NELL1: variants seen among roughly 807,000 people sequenced by gnomAD.
NELL1 encodes protein kinase C-binding protein NELL1.
Under a neutral mutation model 107.4 loss-of-function variants are expected in NELL1, and 76 were observed. That is an observed-to-expected ratio of 0.71 (90% CI 0.59 to 0.86). The LOEUF is 0.86. Ranked by LOEUF, NELL1 falls within the 40% of genes least tolerant of loss-of-function variation. The pLI is 0.00. For synonymous variants in NELL1, 353 were observed against 341.2 expected, an observed-to-expected ratio of 1.03 and a Z score of -0.38; for missense variants, 1,024 against 1,005.5, an observed-to-expected ratio of 1.02 and a Z score of -0.25.
chr11:20,930,995 G>A (rs2134176618), intron 9 of NELL1, among the ~76,000 whole-genome samples: 1 of 152,192 alleles, frequency 6.6e-6, no homozygotes, highest in Middle Eastern at 3.4e-3. Context: ...GTAATTAAAA[G>A]GTTGAGAACT....
At chr11:21,482,993 T>C (rs1854530913) in intron 15 of NELL1, among the ~76,000 whole-genome samples, 1 of 152,078 alleles carries the variant, frequency 6.6e-6, no homozygotes, top group African/African-American at 2.4e-5. Context: ...CTATAATTTT[T>C]TTTTTCTTTT....
At chr11:21,366,484 A>G (rs550692114) in intron 14 of NELL1, among the ~76,000 whole-genome samples, 1 of 152,220 alleles carries the variant, frequency 6.6e-6, no homozygotes, top group South Asian at 2.1e-4. Flanking sequence ...TTAAACAGTT[A>G]TTTTTAATAA....
At chr11:21,390,294 G>C (rs1054877328) in intron 15 of NELL1, among the ~76,000 whole-genome samples, 1 of 151,062 alleles carries the variant, frequency 6.6e-6, no homozygotes, top group Non-Finnish European at 1.5e-5. Context: ...AGTTCTATAA[G>C]ATTGGCTATA....
chr11:20,738,372 G>T (rs1395336650), intron 2 of NELL1, among the ~76,000 whole-genome samples: 4 of 152,120 alleles, frequency 2.6e-5, no homozygotes, highest in African/African-American at 9.7e-5. Flanking sequence ...GTGCTGTCAG[G>T]TCACTGGGTT....
chr11:20,722,184 C>T (rs1855406677), intron 2 of NELL1, among the ~76,000 whole-genome samples: 1 of 152,040 alleles, frequency 6.6e-6, no homozygotes, highest in Non-Finnish European at 1.5e-5. Flanking sequence ...CAACACCCAG[C>T]TAATTTTTGT....
chr11:21,024,252 C>T (rs1193694954), intron 12 of NELL1, among the ~76,000 whole-genome samples: 1 of 152,044 alleles, frequency 6.6e-6, no homozygotes, highest in Non-Finnish European at 1.5e-5. Context: ...TTAGAAAATA[C>T]CTTCTACATT....
At chr11:21,392,833 A>G (rs538818852) in intron 15 of NELL1, among the ~76,000 whole-genome samples, 22 of 150,130 alleles carry the variant, frequency 1.5e-4, no homozygotes, top group Admixed American at 7.9e-4. Context: ...TTCTGCAAAG[A>G]TAGACATTTC....
chr11:21,197,726 A>G (rs1467522677), intron 13 of NELL1, among the ~76,000 whole-genome samples: 1 of 151,406 alleles, frequency 6.6e-6, no homozygotes, highest in Admixed American at 6.6e-5. Context: ...GGCATCCTTT[A>G]ATACACCTCA....
At position 21,309,286 on chromosome 11, in the gene NELL1, A is replaced by G. The variant is rs1364323535; in HGVS notation, c.1550-61567A>G. ...TATATATATATATATATATGTATAT[A>G]TATATATATATATGTATATATATAT... is the stretch of plus-strand genomic sequence containing the variant. On this transcript the variant is annotated intron_variant, in intron 14 of 19. Transcript: ENST00000357134. Among the ~76,000 whole-genome samples, 181 of 109,178 alleles carry G rather than the reference A, an allele frequency of 1.7e-3. 4 individuals are homozygous for G. In the South Asian group the frequency reaches 0.026, roughly 16 times the overall value. 71.6% of individuals were successfully genotyped at this position (109,178 alleles called of 152,430 possible). A position where few individuals can be genotyped will look rare whatever the true frequency, so the allele number is the denominator to read the frequency against.
intron 13 of NELL1, among the ~76,000 whole-genome samples, chr11:21,162,046 G>A (rs1368490435): frequency 7.2e-6 from 1 of 139,316 alleles, no homozygotes; most frequent in African/African-American, 2.7e-5. Flanking sequence ...CACCTCCCAG[G>A]TTCAAGTGAT....
intron 12 of NELL1, among the ~76,000 whole-genome samples, chr11:21,053,494 A>G (rs1221803479): frequency 6.6e-6 from 1 of 152,132 alleles, no homozygotes; most frequent in Non-Finnish European, 1.5e-5. Context: ...TACAGCTTTG[A>G]GCTTTCTTCA....
intron 13 of NELL1, among the ~76,000 whole-genome samples, chr11:21,224,110 T>C (rs985450915): frequency 1.3e-5 from 2 of 152,212 alleles, no homozygotes; most frequent in African/African-American, 4.8e-5. Flanking sequence ...TCTTTGCCTT[T>C]TGAAAGTTTG....
chr11:21,411,772 A>ATGATTCAGTAGATT (rs1324690783), intron 15 of NELL1, among the ~76,000 whole-genome samples: 1 of 152,112 alleles, frequency 6.6e-6, no homozygotes, highest in African/African-American at 2.4e-5. Context: ...GGTGAGGTGA[A>ATGATTCAGTAGATT]TGATTCAGTA....
At chr11:20,816,701 C>A (rs1454339460) in intron 3 of NELL1, among the ~76,000 whole-genome samples, 1 of 152,138 alleles carries the variant, frequency 6.6e-6, no homozygotes, top group African/African-American at 2.4e-5. Context: ...TAAGCATGGG[C>A]ATCCTTGTCT....
At position 21,229,330 on chromosome 11, in the gene NELL1, A is replaced by G. The variant is rs1364955301; in HGVS notation, c.1427-2A>G. 1.2e-6 allele frequency: 2 copies of G among 1,613,756 alleles called. No individual in the cohort carries two copies. Among genetic ancestry groups the G allele is most frequent in the African/African-American group, 2.7e-5 (2 of 74,930 alleles). On this transcript the variant is annotated splice_acceptor_variant, in intron 13 of 19. Transcript: ENST00000357134. LOFTEE classifies it high-confidence loss of function. ...TCTCTTTTTCTCTCACCCTGGAAAC[A>G]GAACACGATGAATGTGGCAGCGGCC... is the stretch of plus-strand genomic sequence containing the variant.
chr11:21,249,391 A>G (rs1328365276), intron 14 of NELL1, among the ~76,000 whole-genome samples: 1 of 152,080 alleles, frequency 6.6e-6, no homozygotes. Context: ...TTCTTGAAAG[A>G]AGGTTTTTTT....
chr11:21,025,082 T>C (rs1367830403), intron 12 of NELL1, among the ~76,000 whole-genome samples: 5 of 152,178 alleles, frequency 3.3e-5, no homozygotes, highest in Admixed American at 2.0e-4. Flanking sequence ...GTCTGTATAA[T>C]GTTTTTTGAA....
At position 21,570,958 on chromosome 11, in the gene NELL1, A is replaced by G. The variant is rs376358540; in HGVS notation, c.2157+18A>G. 73 of 1,607,620 alleles carry G rather than the reference A, an allele frequency of 4.5e-5. No homozygotes were observed. In the African/African-American group the frequency reaches 8.3e-4, roughly 18 times the overall value. On this transcript the variant is annotated intron_variant, in intron 18 of 19. Coordinates refer to ENST00000357134, the MANE Select transcript of NELL1 (RefSeq NM_006157.5). The stretch of plus-strand genomic sequence containing the variant: ...GGTGTCTGGTATGTTGGCTTCCTTT[A>G]TAAGGTGTTGAGCCTTTACTCTGAA...
intron 3 of NELL1, among the ~76,000 whole-genome samples, chr11:20,813,038 A>G (rs1229172826): frequency 7.0e-6 from 1 of 143,514 alleles, no homozygotes; most frequent in Non-Finnish European, 1.5e-5. Context: ...AAAAAAAAAA[A>G]AAAAAAAAAG....
Sources: allele counts gnomAD v4.1 joint callset (sites outside exome capture counted in the v4.1 genomes callset), GRCh38; gene constraint gnomAD v4.1.1; transcripts MANE v1.5; gene names NCBI Gene and HGNC (gene_info 2026-07-23, HGNC 2026-07-21).